GSE1: variants seen among roughly 807,000 people sequenced by gnomAD.
GSE1 encodes the protein Gse1 coiled-coil protein.
In GSE1, 32 loss-of-function variants were observed where a neutral mutation model predicts 112.6. The observed-to-expected ratio is 0.28, with a 90% CI of 0.21 to 0.38. The LOEUF (loss-of-function observed/expected upper bound fraction) is 0.38. GSE1 is among the 10% of genes least tolerant of loss of function. The pLI, the probability that GSE1 is intolerant of heterozygous loss-of-function variation, is 1.00. For synonymous variants in GSE1, 1,115 were observed against 735.6 expected (o/e 1.52, Z -8.35); for missense variants, 2,348 against 1,699.2 (o/e 1.38, Z -6.71).
exon 1 of GSE1, chr16:85,171,765 A>G (rs2143128243): frequency 6.1e-6 from 6 of 985,580 alleles, no homozygotes; most frequent in Non-Finnish European, 7.2e-6. Context: ...TCACCCGCCA[A>G]GGACCCATGA....
intron 1 of GSE1, among the ~76,000 whole-genome samples, chr16:85,620,839 A>G (rs1358141915): frequency 1.4e-5 from 2 of 147,918 alleles, no homozygotes; most frequent in African/African-American, 5.1e-5. Flanking sequence ...AGCCGTGTAG[A>G]TGGTCTTGGC....
At chr16:85,587,790 G>A (rs2046776911) in intron 1 of GSE1, among the ~76,000 whole-genome samples, 1 of 152,108 alleles carries the variant, frequency 6.6e-6, no homozygotes, top group Admixed American at 6.5e-5. Context: ...CCTGCCGGTT[G>A]GCAAAGAGGC....
intron 2 of GSE1, among the ~76,000 whole-genome samples, chr16:85,467,651 A>G (rs1191499671): frequency 1.3e-5 from 2 of 152,208 alleles, no homozygotes; most frequent in Non-Finnish European, 2.9e-5. Context: ...AAGAGAGGCC[A>G]GTAGAAGCTG....
chr16:85,335,500 G>A (rs566136776), intron 1 of GSE1, among the ~76,000 whole-genome samples: 1 of 152,138 alleles, frequency 6.6e-6, no homozygotes, highest in African/African-American at 2.4e-5. Flanking sequence ...GGCGGAGGCC[G>A]TGCTGGGTGG....
chr16:85,504,516 C>A (rs1032625697), intron 2 of GSE1, among the ~76,000 whole-genome samples: 2 of 152,132 alleles, frequency 1.3e-5, no homozygotes, highest in African/African-American at 4.8e-5. Flanking sequence ...AGGTAGCATA[C>A]GGTTAGTGTG....
intron 2 of GSE1, among the ~76,000 whole-genome samples, chr16:85,404,375 A>G (rs2151681669): frequency 3.0e-5 from 1 of 32,980 alleles, no homozygotes; most frequent in African/African-American, 1.3e-4. Flanking sequence ...CCCCCTGGAT[A>G]ATCCTCACTG....
chr16:85,390,746 GC>G (rs2047821388), intron 2 of GSE1, among the ~76,000 whole-genome samples: 2 of 134,492 alleles, frequency 1.5e-5, no homozygotes, highest in South Asian at 2.6e-4. Flanking sequence ...TGGGAGCCTG[GC>G]CCCAGCCCGA....
At chr16:85,461,721 C>T (rs1352930126) in intron 2 of GSE1, among the ~76,000 whole-genome samples, 3 of 152,160 alleles carry the variant, frequency 2.0e-5, no homozygotes, top group Admixed American at 6.5e-5. Context: ...CCATAATCCC[C>T]GTGCTGCGTG....
At chr16:85,474,100 G>A (rs577148026) in intron 2 of GSE1, among the ~76,000 whole-genome samples, 18 of 152,260 alleles carry the variant, frequency 1.2e-4, no homozygotes, top group Admixed American at 8.5e-4. Context: ...GCCACATGGA[G>A]GATGAGACGT....
Position 85,665,963 on chromosome 16 carries a change from T to G in GSE1, c.2759-13T>G. 1 of 1,612,412 alleles carries G rather than the reference T, an allele frequency of 6.2e-7. No individual in the cohort carries two copies. Among genetic ancestry groups the G allele is most frequent in the Non-Finnish European group, 8.5e-7 (1 of 1,179,356 alleles). On this transcript the variant is annotated splice_polypyrimidine_tract_variant and intron_variant, in intron 12 of 15. Coordinates refer to ENST00000253458, the MANE Select transcript of GSE1 (RefSeq NM_014615.5). Reference sequence around the variant, plus strand: ...GCATTTCTTAATATTTTCCTTCACTTTGTCTCTAAAAGAACCAGCCACGCA... The same window carrying G: ...GCATTTCTTAATATTTTCCTTCACTGTGTCTCTAAAAGAACCAGCCACGCA...
At chr16:85,344,018 C>A (rs1305271181) in intron 1 of GSE1, among the ~76,000 whole-genome samples, 1 of 152,224 alleles carries the variant, frequency 6.6e-6, no homozygotes, top group Non-Finnish European at 1.5e-5. Flanking sequence ...AGGAACATGG[C>A]TCCTTACATA....
At chr16:85,443,577 A>T (rs1189962935) in intron 2 of GSE1, among the ~76,000 whole-genome samples, 1 of 151,842 alleles carries the variant, frequency 6.6e-6, no homozygotes, top group East Asian at 1.9e-4. Flanking sequence ...TAATACAAAA[A>T]GTAAAAACTC....
chr16:85,248,375 T>C (rs1189929785), intron 1 of GSE1, among the ~76,000 whole-genome samples: 1 of 152,158 alleles, frequency 6.6e-6, no homozygotes, highest in Non-Finnish European at 1.5e-5. Context: ...CTTTTGTCTA[T>C]CTCTCCCCTT....
chr16:85,294,653 CTCTCTGTCTCTCTCTCT>C (rs2045316445), intron 1 of GSE1, among the ~76,000 whole-genome samples: 2 of 109,478 alleles, frequency 1.8e-5, no homozygotes, highest in African/African-American at 7.1e-5. Context: ...CTCTCTCTCT[CTCTCTGTCTCTCTCTCT>C]CCCCCCCCTT....
chr16:85,446,237 T>C (rs1163237742), intron 2 of GSE1, among the ~76,000 whole-genome samples: 1 of 152,184 alleles, frequency 6.6e-6, no homozygotes, highest in East Asian at 1.9e-4. Flanking sequence ...GCCTCTGCTG[T>C]GTCCTCCACT....
chr16:85,397,248 CA>C (rs2047988145), intron 2 of GSE1, among the ~76,000 whole-genome samples: 1 of 152,242 alleles, frequency 6.6e-6, no homozygotes, highest in African/African-American at 2.4e-5. Flanking sequence ...TTGGGGGAAG[CA>C]GATAGCAGCT....
At chr16:85,242,728 T>A (rs1009541875) in intron 1 of GSE1, among the ~76,000 whole-genome samples, 3 of 152,206 alleles carry the variant, frequency 2.0e-5, no homozygotes, top group African/African-American at 7.2e-5. Flanking sequence ...GGGATTCTGA[T>A]GTAATTGGCT....
rs1484104 is a variant in GSE1, at chr16:85,332,558, G to A, written c.2284-24905G>A. 4.2e-3 allele frequency among the ~76,000 whole-genome samples: 641 copies of A among 152,150 alleles called. 7 individuals are homozygous for A. Among genetic ancestry groups the A allele is most frequent in the African/African-American group, 0.015 (620 of 41,504 alleles). ...TTACGGTGTCCAAAGCCCCCTCCCC[G>A]TGTGCCTCCCCCGACCCTCAGCTGG... is the stretch of plus-strand genomic sequence containing the variant. On this transcript the variant is annotated intron_variant, in intron 1 of 2. Coordinates refer to the GSE1 transcript ENST00000637419.
chr16:85,332,618 C>A (rs1042902151), intron 1 of GSE1, among the ~76,000 whole-genome samples: 1 of 152,186 alleles, frequency 6.6e-6, no homozygotes, highest in African/African-American at 2.4e-5. Flanking sequence ...CTGCTCTCTG[C>A]GGACCCTGCA....
Sources: allele counts gnomAD v4.1 joint callset (sites outside exome capture counted in the v4.1 genomes callset), GRCh38; gene constraint gnomAD v4.1.1; transcripts MANE v1.5; gene names NCBI Gene and HGNC (gene_info 2026-07-23, HGNC 2026-07-21).